LY75: variants seen among roughly 807,000 people sequenced by gnomAD.
LY75 encodes lymphocyte antigen 75.
LY75 carries 185 observed loss-of-function variants against 231.7 expected under a neutral mutation model. The ratio of observed to expected loss-of-function variants is 0.80; its 90% CI spans 0.71 to 0.90. The LOEUF is 0.90. Among genes scored for constraint, LY75 ranks in the 40% least tolerant of loss-of-function variants. The probability of loss-of-function intolerance (pLI) is 0.00; values close to 1 mark genes in which losing one functional copy is unlikely to be tolerated. For synonymous variants in LY75, 668 were observed against 689.0 expected (o/e 0.97, Z 0.48); for missense variants, 1,947 against 2,050.2 (o/e 0.95, Z 0.97).
chr2:159,830,331 C>T (rs1023163707), intron 28 of LY75, among the ~76,000 whole-genome samples: 1 of 152,100 alleles, frequency 6.6e-6, no homozygotes, highest in East Asian at 1.9e-4. Context: ...TTATCAAACC[C>T]TCTTTAGAGT....
At chr2:159,866,933 C>G (rs1333445720) in intron 13 of LY75, among the ~76,000 whole-genome samples, 18 of 152,074 alleles carry the variant, frequency 1.2e-4, no homozygotes, top group Admixed American at 1.1e-3. Flanking sequence ...GAGGTTCATC[C>G]TCAACTTTCT....
intron 29 of LY75, among the ~76,000 whole-genome samples, chr2:159,817,919 C>T (rs1020871499): frequency 6.6e-6 from 1 of 151,774 alleles, no homozygotes; most frequent in Admixed American, 6.6e-5. Context: ...CATGGTGGGG[C>T]GTGCCTGTAA....
chr2:159,898,564 A>C, intron 2 of LY75, 124 bp downstream of exon 2: 17 of 1,443,598 alleles, frequency 1.2e-5, no homozygotes, highest in Non-Finnish European at 1.6e-5. Context: ...CAGTGCCTGG[A>C]AGTGAAGAGC....
intron 26 of LY75, among the ~76,000 whole-genome samples, chr2:159,834,764 A>T (rs758977229): frequency 3.3e-5 from 5 of 152,262 alleles, no homozygotes; most frequent in African/African-American, 4.8e-5. Flanking sequence ...ACAAAGATAC[A>T]AATATAAACA....
intron 18 of LY75, among the ~76,000 whole-genome samples, chr2:159,853,981 T>G (rs1233042157): frequency 1.3e-5 from 2 of 152,210 alleles, no homozygotes; most frequent in Admixed American, 1.3e-4. Flanking sequence ...CTATTGCAAT[T>G]GATTATAAAT....
chr2:159,870,308 G>A (rs1684972399), intron 13 of LY75, among the ~76,000 whole-genome samples: 1 of 152,038 alleles, frequency 6.6e-6, no homozygotes, highest in Non-Finnish European at 1.5e-5. Context: ...AACATTAGCT[G>A]GGTGTGGTGG....
intron 1 of LY75, 116 bp downstream of exon 1, chr2:159,904,473 A>G: frequency 2.5e-6 from 3 of 1,184,434 alleles, no homozygotes; most frequent in Non-Finnish European, 3.3e-6. Flanking sequence ...CCCCGCCCCA[A>G]CAGCAAAGCA....
intron 11 of LY75, 41 bp from the exon 12 acceptor site, chr2:159,875,684 TA>T: frequency 6.2e-7 from 1 of 1,607,034 alleles, no homozygotes; most frequent in Non-Finnish European, 8.5e-7. Context: ...ATTAAAACGT[TA>T]AAGTTCAAAC....
chr2:159,898,754 A>G lies in LY75; in HGVS notation c.400T>C (p.Ser134Pro). 1 of 1,614,048 alleles carries G rather than the reference A, an allele frequency of 6.2e-7. No homozygotes were observed. The highest frequency in any genetic ancestry group is 8.5e-7 in the Non-Finnish European group (1 of 1,179,908). ...ALKDGHGTAISNASDVWKKGG... is the reference protein window; with the variant it reads ...ALKDGHGTAIPNASDVWKKGG... The stretch of plus-strand genomic sequence containing the variant: ...TTCTTCCAGACATCAGATGCATTTG[A>G]GATTGCTGTGCCATGTCCATCCTTC... The change falls in exon 2 of 35, where the codon TCA becomes CCA. Residue 134 changes from serine to proline, a missense_variant. Transcript: ENST00000263636.
At chr2:159,833,104 TTG>T (rs1341529934) in intron 27 of LY75, among the ~76,000 whole-genome samples, 5 of 152,006 alleles carry the variant, frequency 3.3e-5, no homozygotes, top group African/African-American at 4.8e-5. Flanking sequence ...CTCTGCTCTC[TTG>T]TGTGTCATTT....
intron 7 of LY75, 123 bp from the exon 8 acceptor site, chr2:159,881,363 G>A (rs957420882): frequency 3.9e-5 from 46 of 1,173,998 alleles, no homozygotes; most frequent in African/African-American, 6.2e-5. Context: ...TTCTTAATTC[G>A]GTTATTAATA....
rs561944569 is a variant in LY75 at position 159,851,265 on chromosome 2, ATC to A, written c.2884-800_2884-799del. ...ACAGATGCTTTCAGCTGTCAGACAC[ATC>A]TCTTTTTTCCCTTTTTCACATTATG... On this transcript the variant is annotated intron_variant, in intron 21 of 34. Transcript: ENST00000263636. Among the ~76,000 whole-genome samples, 29 of 152,278 alleles carry A rather than the reference ATC, an allele frequency of 1.9e-4. No homozygotes were observed. The South Asian group carries it at 5.6e-3, about 29-fold the overall frequency.
chr2:159,879,209 C>A, intron 9 of LY75, 50 bp downstream of exon 9: 1 of 1,579,888 alleles, frequency 6.3e-7, no homozygotes, highest in South Asian at 1.2e-5. Flanking sequence ...CATTTCTAAC[C>A]AAGAAGTTGT....
intron 21 of LY75, among the ~76,000 whole-genome samples, chr2:159,851,182 G>A (rs1366216566): frequency 1.3e-5 from 2 of 152,024 alleles, no homozygotes; most frequent in Non-Finnish European, 2.9e-5. Flanking sequence ...CTATTACCTT[G>A]AGGAATTAAA....
intron 28 of LY75, among the ~76,000 whole-genome samples, chr2:159,825,755 C>T (rs1332475942): frequency 2.0e-5 from 3 of 152,172 alleles, no homozygotes; most frequent in Non-Finnish European, 4.4e-5. Flanking sequence ...AAAAGTTTAT[C>T]CACCAGGATC....
chr2:159,816,967 T>C lies in LY75; in HGVS notation c.4219A>G (p.Ser1407Gly), dbSNP rs1185883066. ...QFMPYEDGIYSVIQKKVTWYE... is the reference protein window; with the variant it reads ...QFMPYEDGIYGVIQKKVTWYE... Reference sequence around the variant, plus strand: ...CATGTTACCTTTTTTTGAATAACACTGTAAATACCATCTTCATATGGCATA... The same window carrying C: ...CATGTTACCTTTTTTTGAATAACACCGTAAATACCATCTTCATATGGCATA... Residue 1407 changes from serine to glycine, a missense_variant, in exon 30 of 35, where the codon AGT becomes GGT. Physicochemically the swap from Ser to Gly is moderately conservative, Grantham distance 56 (BLOSUM62 0). Transcript: ENST00000263636. 1.2e-6 allele frequency: 2 copies of C among 1,614,078 alleles called. No individual in the cohort carries two copies. Among genetic ancestry groups the C allele is most frequent in the African/African-American group, 1.3e-5 (1 of 74,944 alleles).
At chr2:159,842,406 C>T in intron 23 of LY75, 32 bp from the exon 24 acceptor site, 1 of 1,592,256 alleles carries the variant, frequency 6.3e-7, no homozygotes, top group South Asian at 1.1e-5. Context: ...TACATGCAAT[C>T]ATGTAACAAT....
chr2:159,832,799 C>T (rs1380633941), intron 27 of LY75, among the ~76,000 whole-genome samples: 2 of 152,012 alleles, frequency 1.3e-5, no homozygotes, highest in Non-Finnish European at 1.5e-5. Context: ...TTTTTGCAGA[C>T]CATCTCTCAA....
rs772327807 is a variant in LY75, at chr2:159,819,933, C to CG, written c.3959-14_3959-13insC. ...ATAAGAGACTTATCTAGAGAAGAAACATTTTTTCCTATGCTTAGAGATTAA... is the reference window on the plus strand; with the variant it reads ...ATAAGAGACTTATCTAGAGAAGAAACGATTTTTTCCTATGCTTAGAGATTAA... On this transcript the variant is annotated splice_polypyrimidine_tract_variant and intron_variant, in intron 28 of 34. Transcript: ENST00000263636. 2 of 1,486,164 alleles carry CG rather than the reference C, an allele frequency of 1.3e-6. No individual in the cohort carries two copies. The highest frequency in any genetic ancestry group is 5.0e-5 in the East Asian group (2 of 40,330). 92.1% of individuals were successfully genotyped at this position (1,486,164 alleles called of 1,614,324 possible).
Sources: allele counts gnomAD v4.1 joint callset (sites outside exome capture counted in the v4.1 genomes callset), GRCh38; gene constraint gnomAD v4.1.1; transcripts MANE v1.5; gene names NCBI Gene and HGNC (gene_info 2026-07-23, HGNC 2026-07-21).